RAB5A: variants seen among roughly 807,000 people sequenced by gnomAD.
The protein encoded by RAB5A is RAB5A, member RAS oncogene family, also known as ras-related protein Rab-5A.
A neutral mutation model predicts 25.7 loss-of-function variants in RAB5A; 8 were observed. The observed-to-expected ratio is 0.31, with a 90% CI of 0.18 to 0.56. The LOEUF is 0.56. RAB5A is among the 20% of genes least tolerant of loss of function. RAB5A has a pLI of 0.91. For synonymous variants in RAB5A, 98 were observed against 89.8 expected (o/e 1.09, Z -0.52); for missense variants, 192 against 259.7 (o/e 0.74, Z 1.79).
In RAB5A at chr3:19,964,918, T is replaced by C. The variant is rs1479400946; in HGVS notation, c.164-10683T>C. On this transcript the variant is annotated intron_variant, in intron 2 of 5. Transcript: ENST00000273047. The stretch of plus-strand genomic sequence containing the variant: ...CATGCCTAGCCAAAACTCCTAAGAT[T>C]TACTTACTTACTTACTTTATTTATT... 2.0e-5 allele frequency among the ~76,000 whole-genome samples: 3 copies of C among 146,582 alleles called. No individual in the cohort carries two copies. In the East Asian group the frequency reaches 5.8e-4, roughly 28 times the overall value.
chr3:19,979,943 A>C (rs1330267588), intron 5 of RAB5A: 1 of 152,230 alleles, frequency 6.6e-6, no homozygotes, highest in Non-Finnish European at 1.5e-5. Context: ...GCTGAATCAG[A>C]GAATAATGAA....
chr3:19,975,523 G>A, intron 2 of RAB5A, 78 bp from the exon 3 acceptor site: 2 of 1,386,526 alleles, frequency 1.4e-6, no homozygotes, highest in Non-Finnish European at 2.0e-6. Context: ...TTTGATAGAT[G>A]TATACAAGCA....
At chr3:19,955,003 T>C (rs1192223438) in intron 2 of RAB5A, among the ~76,000 whole-genome samples, 3 of 152,190 alleles carry the variant, frequency 2.0e-5, no homozygotes, top group Non-Finnish European at 2.9e-5. Flanking sequence ...GCCCAGAGAT[T>C]AGCAGGGAGC....
At chr3:19,951,265 TGTG>T (rs1696418222) in intron 2 of RAB5A, 4 of 511,186 alleles carry the variant, frequency 7.8e-6, no homozygotes, top group Non-Finnish European at 1.3e-5. Flanking sequence ...GTTAATCCCT[TGTG>T]GTTATATTGT....
chr3:19,950,087 CA>C (rs1696401275), intron 1 of RAB5A, among the ~76,000 whole-genome samples: 1 of 152,024 alleles, frequency 6.6e-6, no homozygotes, highest in African/African-American at 2.4e-5. Context: ...CTAAAGACTA[CA>C]AAAAAGTTAC....
At chr3:19,951,701 G>GTTTTTTTTGTT (rs1553638047) in intron 2 of RAB5A, among the ~76,000 whole-genome samples, 2 of 99,000 alleles carry the variant, frequency 2.0e-5, no homozygotes, top group South Asian at 6.5e-4. Context: ...TGCCAGGCAA[G>GTTTTTTTTGTT]TTTTTTTTTT....
chr3:19,960,495 T>A (rs1377972973), intron 2 of RAB5A, among the ~76,000 whole-genome samples: 7 of 152,144 alleles, frequency 4.6e-5, no homozygotes, highest in Non-Finnish European at 4.4e-5. Flanking sequence ...GAGATGGCTA[T>A]TCTCCATGTT....
intron 2 of RAB5A, among the ~76,000 whole-genome samples, chr3:19,954,347 A>G (rs1001848386): frequency 1.3e-5 from 2 of 152,106 alleles, no homozygotes; most frequent in Non-Finnish European, 1.5e-5. Context: ...TACTGTTTAT[A>G]TCTCCTAACA....
At position 19,950,790 on chromosome 3, in the gene RAB5A, A is replaced by C; in HGVS notation, c.-93-16A>C. ...TTACTGATTTGTATATTTAATTCAT[A>C]ATTGTTTCTTTACAGGTTTCTTTAC... On this transcript the variant is annotated splice_polypyrimidine_tract_variant and intron_variant, in intron 1 of 5. Coordinates refer to ENST00000273047, the MANE Select transcript of RAB5A (RefSeq NM_004162.5). The C allele has an allele frequency of 9.2e-7, 1 of 1,081,426 alleles. No homozygotes were observed. The highest frequency in any genetic ancestry group is 1.7e-5 in the South Asian group (1 of 57,390). 67.0% of individuals were successfully genotyped at this position (1,081,426 alleles called of 1,614,324 possible).
chr3:19,963,372 C>A (rs1163101990), intron 2 of RAB5A, among the ~76,000 whole-genome samples: 3 of 120,506 alleles, frequency 2.5e-5, no homozygotes, highest in Non-Finnish European at 5.1e-5. Flanking sequence ...TCACCCCCCC[C>A]CCCCCCGACT....
intron 5 of RAB5A, among the ~76,000 whole-genome samples, chr3:19,982,395 T>C (rs1451466151): frequency 6.6e-6 from 1 of 152,226 alleles, no homozygotes; most frequent in Non-Finnish European, 1.5e-5. Flanking sequence ...TCCAGTATGC[T>C]AAGTTTTGAC....
At position 19,974,582 on chromosome 3, in the gene RAB5A, A is replaced by T. The variant is rs549221565; in HGVS notation, c.164-1019A>T. ...GAACAAATTAAATCTAGGTTAAGGTAATAATGACTACCACAATTAAAGTGT... is the reference window on the plus strand; with the variant it reads ...GAACAAATTAAATCTAGGTTAAGGTTATAATGACTACCACAATTAAAGTGT... On this transcript the variant is annotated intron_variant, in intron 2 of 5. Coordinates refer to ENST00000273047, the MANE Select transcript of RAB5A (RefSeq NM_004162.5). Among the ~76,000 whole-genome samples the T allele has an allele frequency of 1.3e-3, 195 of 152,292 alleles. 1 individual carries two copies. The highest frequency in any genetic ancestry group is 2.1e-3 in the Non-Finnish European group (145 of 68,020).
At chr3:19,969,031 G>T (rs112299969) in intron 2 of RAB5A, among the ~76,000 whole-genome samples, 18,582 of 99,364 alleles carry the variant, frequency 0.19, 1,610 homozygotes, top group Non-Finnish European at 0.24. Flanking sequence ...TTTGGTTTTG[G>T]TTTTTTTTTT....
At chr3:19,956,194 G>A (rs1018504261) in intron 2 of RAB5A, among the ~76,000 whole-genome samples, 3 of 152,050 alleles carry the variant, frequency 2.0e-5, no homozygotes, top group Non-Finnish European at 4.4e-5. Flanking sequence ...TAGGCCGGGC[G>A]CAGTGGCTCA....
intron 2 of RAB5A, among the ~76,000 whole-genome samples, chr3:19,954,467 A>G (rs566952178): frequency 2.1e-4 from 32 of 152,326 alleles, no homozygotes; most frequent in Middle Eastern, 3.4e-3. Context: ...CATTAAGAAT[A>G]TCAAGATTTC....
chr3:19,958,610 G>T (rs948046239), intron 2 of RAB5A, among the ~76,000 whole-genome samples: 7 of 152,180 alleles, frequency 4.6e-5, no homozygotes, highest in African/African-American at 1.7e-4. Flanking sequence ...TTGGAAGGCC[G>T]AGGCAGGCAT....
At chr3:19,982,292 G>T (rs548907766) in intron 5 of RAB5A, among the ~76,000 whole-genome samples, 1 of 152,254 alleles carries the variant, frequency 6.6e-6, no homozygotes, top group East Asian at 1.9e-4. Flanking sequence ...TCACAACGAA[G>T]TGTTGAGTAT....
rs1233422412 is a variant in RAB5A, at chr3:19,975,764, T to G, written c.315+12T>G. ...ATATCACAAATGAGGTAAGTATGGA[T>G]GCATTCCACAGTAAAACTAATTTGA... On this transcript the variant is annotated intron_variant, in intron 3 of 5. Coordinates refer to ENST00000273047, the MANE Select transcript of RAB5A (RefSeq NM_004162.5). The G allele has an allele frequency of 6.3e-7, 1 of 1,595,402 alleles. No individual in the cohort carries two copies. Among genetic ancestry groups the G allele is most frequent in the South Asian group, 1.1e-5 (1 of 87,480 alleles).
At chr3:19,962,360 G>A (rs1219061201) in intron 2 of RAB5A, among the ~76,000 whole-genome samples, 1 of 152,136 alleles carries the variant, frequency 6.6e-6, no homozygotes, top group African/African-American at 2.4e-5. Flanking sequence ...ACGAGGACAG[G>A]AGTTCGAGAC....
Sources: gnomAD v4.1 joint callset for allele counts (sites outside exome capture counted in the v4.1 genomes callset) on GRCh38, gnomAD v4.1.1 for gene constraint, MANE v1.5 for transcripts, NCBI Gene and HGNC (gene_info 2026-07-23, HGNC 2026-07-21) for gene names.